SLC44A5: variants seen among roughly 807,000 people sequenced by gnomAD.
The protein encoded by SLC44A5 is choline transporter-like protein 5.
SLC44A5 carries 57 observed loss-of-function variants against 101.8 expected under a neutral mutation model. The observed-to-expected ratio is 0.56, with a 90% CI of 0.45 to 0.70. The LOEUF (loss-of-function observed/expected upper bound fraction) is 0.70, where lower values mean the gene tolerates loss of function less well. Among genes scored for constraint, SLC44A5 ranks in the 30% least tolerant of loss-of-function variants. The probability of loss-of-function intolerance (pLI) is 0.00; values close to 1 mark genes in which losing one functional copy is unlikely to be tolerated. For missense variants in SLC44A5, 737 were observed against 853.1 expected, an observed-to-expected ratio of 0.86 and a Z score of 1.70; for synonymous variants, 281 against 290.9, an observed-to-expected ratio of 0.97 and a Z score of 0.35.
intron 23 of SLC44A5, chr1:75,205,631 C>T (rs568193616): frequency 2.6e-5 from 4 of 152,234 alleles, no homozygotes; most frequent in South Asian, 2.1e-4. Context: ...GATGATGGAG[C>T]GCCAACAGTA....
chr1:75,433,425 ACTCT>A (rs1664721595), intron 2 of SLC44A5, among the ~76,000 whole-genome samples: 1 of 151,912 alleles, frequency 6.6e-6, no homozygotes, highest in Non-Finnish European at 1.5e-5. Context: ...CATTAGGAAT[ACTCT>A]CTCTTTCTTG....
the SLC44A5 span, among the ~76,000 whole-genome samples, chr1:75,634,881 G>A: frequency 2.0e-5 from 3 of 152,058 alleles, no homozygotes; most frequent in South Asian, 2.1e-4. Flanking sequence ...AACCTACAAA[G>A]TGGGAGAAAA....
In SLC44A5 at chr1:75,327,840, G is replaced by A. The variant is rs79881003; in HGVS notation, c.101+11742C>T. The stretch of plus-strand genomic sequence containing the variant: ...TACATTAAGAAAGGCATGTTAGTGC[G>A]TAAAGAGGACTCTTCCAGTCTTTGC... On this transcript the variant is annotated intron_variant, in intron 4 of 23. Transcript: ENST00000370859. 8.8e-3 allele frequency among the ~76,000 whole-genome samples: 1,347 copies of A among 152,338 alleles called. 22 individuals carry two copies. The highest frequency in any genetic ancestry group is 0.031 in the African/African-American group (1,287 of 41,580).
chr1:75,542,148 T>C (rs1324767068), intron 1 of SLC44A5, among the ~76,000 whole-genome samples: 2 of 152,162 alleles, frequency 1.3e-5, no homozygotes, highest in Admixed American at 6.6e-5. Flanking sequence ...CATTTTTTTC[T>C]ATGTATGTTT....
chr1:75,243,771 A>C (rs1396205736), intron 7 of SLC44A5, among the ~76,000 whole-genome samples: 1 of 152,114 alleles, frequency 6.6e-6, no homozygotes. Flanking sequence ...CCAGTGTTGG[A>C]GATGGGGCCT....
intron 1 of SLC44A5, among the ~76,000 whole-genome samples, chr1:75,573,772 A>T (rs558342471): frequency 6.6e-6 from 1 of 152,068 alleles, no homozygotes; most frequent in East Asian, 1.9e-4. Context: ...TAATTTATTT[A>T]ATATGGTATA....
At chr1:75,251,167 T>C (rs1431551202) in intron 7 of SLC44A5, 43 bp downstream of exon 7, 3 of 1,449,826 alleles carry the variant, frequency 2.1e-6, no homozygotes, top group East Asian at 2.3e-5. Context: ...TCCAAGAATG[T>C]TCAGAACGGC....
chr1:75,340,042 A>G (rs943807478), intron 3 of SLC44A5, among the ~76,000 whole-genome samples: 1 of 152,178 alleles, frequency 6.6e-6, no homozygotes, highest in Non-Finnish European at 1.5e-5. Context: ...CAGCTCTCCC[A>G]TTCCTCTCAG....
intron 3 of SLC44A5, among the ~76,000 whole-genome samples, chr1:75,370,736 G>T (rs1276476151): frequency 1.3e-5 from 2 of 152,194 alleles, no homozygotes; most frequent in Admixed American, 6.5e-5. Flanking sequence ...TTTGATACGG[G>T]ATCAGAGTGG....
intron 3 of SLC44A5, among the ~76,000 whole-genome samples, chr1:75,368,181 A>G (rs1303258197): frequency 6.6e-6 from 1 of 151,078 alleles, no homozygotes; most frequent in African/African-American, 2.4e-5. Flanking sequence ...AATTAAAAAA[A>G]CACTCATAAA....
intron 3 of SLC44A5, among the ~76,000 whole-genome samples, chr1:75,365,002 C>T (rs1303399035): frequency 6.6e-6 from 1 of 151,964 alleles, no homozygotes; most frequent in Admixed American, 6.6e-5. Flanking sequence ...ATAATTTAAT[C>T]TATTTACATT....
intron 1 of SLC44A5, among the ~76,000 whole-genome samples, chr1:75,557,934 G>T (rs1672309324): frequency 6.6e-6 from 1 of 152,066 alleles, no homozygotes; most frequent in Non-Finnish European, 1.5e-5. Context: ...ATTAAAGATT[G>T]ATTATATATT....
intron 3 of SLC44A5, among the ~76,000 whole-genome samples, chr1:75,361,778 G>A (rs757813843): frequency 6.6e-6 from 1 of 151,996 alleles, no homozygotes; most frequent in African/African-American, 2.4e-5. Context: ...TTGCATTTAT[G>A]TTTATCAGAG....
At chr1:75,350,181 T>C (rs555047531) in intron 3 of SLC44A5, among the ~76,000 whole-genome samples, 1 of 152,138 alleles carries the variant, frequency 6.6e-6, no homozygotes, top group African/African-American at 2.4e-5. Flanking sequence ...TTCCCATGAT[T>C]AGATTAGAGT....
chr1:75,278,659 T>A (rs1024723582), intron 5 of SLC44A5, among the ~76,000 whole-genome samples: 1 of 152,122 alleles, frequency 6.6e-6, no homozygotes, highest in African/African-American at 2.4e-5. Context: ...GTGACTAAAC[T>A]GGAAGAGATG....
chr1:75,389,947 G>A (rs1478808778), intron 3 of SLC44A5, among the ~76,000 whole-genome samples: 2 of 151,988 alleles, frequency 1.3e-5, no homozygotes, highest in African/African-American at 4.8e-5. Context: ...AAAAAAGAGA[G>A]ACAATTCAAA....
chr1:75,540,309 G>A (rs1953077), intron 2 of SLC44A5, among the ~76,000 whole-genome samples: 63,063 of 152,020 alleles, frequency 0.41, 13,448 homozygotes, highest in Non-Finnish European at 0.46. Context: ...TGCTATAGGC[G>A]AGAGTATGTT....
At chr1:75,616,243 C>T in the SLC44A5 span, among the ~76,000 whole-genome samples, 1 of 151,964 alleles carries the variant, frequency 6.6e-6, no homozygotes, top group Non-Finnish European at 1.5e-5. Flanking sequence ...ACCCTCCCTC[C>T]CCCACGCCCC....
chr1:75,480,662 A>T (rs1358203593), intron 2 of SLC44A5, among the ~76,000 whole-genome samples: 7 of 152,022 alleles, frequency 4.6e-5, no homozygotes, highest in African/African-American at 1.7e-4. Context: ...AATTGCTTCA[A>T]AGAGAATAAA....
Sources: allele counts gnomAD v4.1 joint callset (sites outside exome capture counted in the v4.1 genomes callset), GRCh38; gene constraint gnomAD v4.1.1; transcripts MANE v1.5; gene names NCBI Gene and HGNC (gene_info 2026-07-23, HGNC 2026-07-21).